Variants in ZSCAN1 observed in about 807,000 individuals in gnomAD.
ZSCAN1 encodes zinc finger and SCAN domain-containing protein 1.
Under a neutral mutation model 23.8 loss-of-function variants are expected in ZSCAN1, and 23 were observed. The observed-to-expected ratio is 0.97, with a 90% CI of 0.70 to 1.37. The LOEUF (loss-of-function observed/expected upper bound fraction) is 1.37. ZSCAN1 is among the 40% of genes most tolerant of loss of function. The pLI, the probability that ZSCAN1 is intolerant of heterozygous loss-of-function variation, is 0.00. For missense variants in ZSCAN1, 575 were observed against 554.0 expected, an observed-to-expected ratio of 1.04 and a Z score of -0.38; for synonymous variants, 236 against 232.3, an observed-to-expected ratio of 1.02 and a Z score of -0.15.
chr19:58,044,203 C>T (rs2123429766), intron 4 of ZSCAN1, among the ~76,000 whole-genome samples: 1 of 151,924 alleles, frequency 6.6e-6, no homozygotes, highest in South Asian at 2.1e-4. Flanking sequence ...ATCCAGGAGG[C>T]GGAGGCTGCA....
At position 58,049,697 on chromosome 19, in the gene ZSCAN1, G is replaced by A. The variant is rs759196276; in HGVS notation, c.466-2793G>A. Among the ~76,000 whole-genome samples the A allele has an allele frequency of 7.9e-5, 12 of 152,214 alleles. No individual in the cohort carries two copies. The highest frequency in any genetic ancestry group is 1.9e-4 in the East Asian group (1 of 5,196). On this transcript the variant is annotated intron_variant, in intron 4 of 5. Coordinates refer to ENST00000282326, the MANE Select transcript of ZSCAN1 (RefSeq NM_182572.4). This position sits in a 1 kb window ranked among gnomAD's most constrained non-coding sequence, Gnocchi z 4.5. Reference sequence around the variant, plus strand: ...CTAAGGTCCCTGAGATCCCATGGGCGTATCTCCCTGAGGCCCTGGCGGGAA... The same window carrying A: ...CTAAGGTCCCTGAGATCCCATGGGCATATCTCCCTGAGGCCCTGGCGGGAA...
In ZSCAN1 at chr19:58,038,018, C is replaced by G. The variant is rs1362867658; in HGVS notation, c.182C>G (p.Thr61Arg). The change falls in exon 3 of 6, where the codon ACG becomes AGG. Residue 61 changes from threonine (T) to arginine (R), a missense_variant. Thr to Arg is a moderately conservative substitution (Grantham distance 71). Coordinates refer to ENST00000282326, the MANE Select transcript of ZSCAN1 (RefSeq NM_182572.4). ...GPHLALGQLW[T>R]LCRQWLRPEA... ...CACCTCGCGCTGGGCCAGCTCTGGACGCTGTGCCGCCAGTGGCTGAGGCCC... is the reference window on the plus strand; with the variant it reads ...CACCTCGCGCTGGGCCAGCTCTGGAGGCTGTGCCGCCAGTGGCTGAGGCCC... The G allele has an allele frequency of 1.2e-6, 2 of 1,611,008 alleles. No homozygotes were observed. The highest frequency in any genetic ancestry group is 1.7e-6 in the Non-Finnish European group (2 of 1,179,670).
intron 1 of ZSCAN1, among the ~76,000 whole-genome samples, 154 bp from the exon 2 acceptor site, chr19:58,035,816 G>A (rs778121884): frequency 1.3e-4 from 20 of 152,276 alleles, no homozygotes; most frequent in African/African-American, 4.6e-4. Context: ...CCAGATGCAC[G>A]AGAACTGCAG....
intron 1 of ZSCAN1, among the ~76,000 whole-genome samples, chr19:58,034,531 C>G (rs1029080544): frequency 6.6e-6 from 1 of 151,990 alleles, no homozygotes; most frequent in Non-Finnish European, 1.5e-5. Flanking sequence ...TCGGCCGCGT[C>G]CAAGTTCTCC....
At chr19:58,042,028 G>A (rs757509561) in intron 4 of ZSCAN1, among the ~76,000 whole-genome samples, 9 of 152,228 alleles carry the variant, frequency 5.9e-5, no homozygotes, top group Non-Finnish European at 1.0e-4. Context: ...AAATAAGGAA[G>A]AGGAACAGGC....
downstream of ZSCAN1, among the ~76,000 whole-genome samples, chr19:58,054,913 CAGGA>C (rs2073881969): frequency 1.3e-5 from 2 of 152,064 alleles, no homozygotes; most frequent in Non-Finnish European, 2.9e-5. This position sits in a 1 kb window ranked among gnomAD's most constrained non-coding sequence, Gnocchi z 4.2. Flanking sequence ...TCTGGTCTGC[CAGGA>C]AGGATCAGAT....
At position 58,053,817 on chromosome 19, in the gene ZSCAN1, C is replaced by G; in HGVS notation, c.993C>G (p.His331Gln). The G allele has an allele frequency of 6.2e-7, 1 of 1,614,150 alleles. No individual in the cohort carries two copies. Among genetic ancestry groups the G allele is most frequent in the Non-Finnish European group, 8.5e-7 (1 of 1,180,018 alleles). ...PCPECGKVFLHNSVLTEHGKI... is the reference protein window; with the variant it reads ...PCPECGKVFLQNSVLTEHGKI... The stretch of plus-strand genomic sequence containing the variant: ...CCGAGTGTGGCAAGGTCTTCCTGCA[C>G]AACTCCGTCCTCACTGAGCATGGCA... The change falls in exon 6 of 6, where the codon CAC (histidine) becomes CAG (glutamine). Residue 331 changes from histidine (H) to glutamine (Q), a missense_variant. Coordinates refer to ENST00000282326, the MANE Select transcript of ZSCAN1 (RefSeq NM_182572.4). This position sits in a 1 kb window ranked among gnomAD's most constrained non-coding sequence, Gnocchi z 5.8.
At chr19:58,044,811 G>C (rs1030443884) in intron 4 of ZSCAN1, 19 of 734,148 alleles carry the variant, frequency 2.6e-5, no homozygotes, top group Non-Finnish European at 4.0e-5. Context: ...GTTGGACTCT[G>C]AGGCCCGAGT....
rs2123431958 is a variant in ZSCAN1 at position 58,045,290 on chromosome 19, G to A, written c.465+4746G>A. The A allele has an allele frequency of 5.1e-6, 4 of 791,408 alleles. No homozygotes were observed. The Admixed American group carries it at 6.8e-5, about 13-fold the overall frequency. The allele number at this position is 791,408 out of a possible 1,614,324, so 49.0% of individuals were successfully genotyped here. On this transcript the variant is annotated intron_variant, in intron 4 of 5. Transcript: ENST00000282326. This position sits in a 1 kb window ranked among gnomAD's most constrained non-coding sequence, Gnocchi z 4.3. ...TTGCTGTGAAACTCTTCCCCAACAT[G>A]TTGCCATCCACATCCGAGACTCAGT...
At chr19:58,043,288 G>T (rs1309779756) in intron 4 of ZSCAN1, among the ~76,000 whole-genome samples, 1 of 152,212 alleles carries the variant, frequency 6.6e-6, no homozygotes, top group Non-Finnish European at 1.5e-5. Flanking sequence ...CATCGCAGAG[G>T]GCACTCACAC....
Position 58,038,140 on chromosome 19 carries a change from G to A in ZSCAN1, c.304G>A (p.Gly102Ser). 1 of 1,609,640 alleles carries A rather than the reference G, an allele frequency of 6.2e-7. No homozygotes were observed. The highest frequency in any genetic ancestry group is 8.5e-7 in the Non-Finnish European group (1 of 1,179,334). Residue 102 changes from glycine (G) to serine (S), a missense_variant, in exon 3 of 6, where the codon GGC (glycine) becomes AGC (serine). Transcript: ENST00000282326. ...SKMRTWVQSQ[G>S]PRSCREAASL... ...GATGCGGACCTGGGTGCAGTCACAGGGCCCCCGAAGCTGCAGGGAGGCCGC... is the reference window on the plus strand; with the variant it reads ...GATGCGGACCTGGGTGCAGTCACAGAGCCCCCGAAGCTGCAGGGAGGCCGC...
intron 4 of ZSCAN1, chr19:58,044,896 C>T: frequency 1.2e-6 from 1 of 817,864 alleles, no homozygotes; most frequent in Admixed American, 1.9e-5. Context: ...TCGGTGCCTT[C>T]CTGCCCGCGG....
Position 58,054,515 on chromosome 19 carries a change from CT to C in ZSCAN1, c.*466del, listed in dbSNP as rs2073880294. On this transcript the variant is annotated 3_prime_UTR_variant, in exon 6 of 6. Coordinates refer to ENST00000282326, the MANE Select transcript of ZSCAN1 (RefSeq NM_182572.4). This position sits in a 1 kb window ranked among gnomAD's most constrained non-coding sequence, Gnocchi z 4.2. ...CTGACCCCGGCTGCCCTCCTGCCAG[CT>C]TAGCCCCCTTGGAACCTAACAGATA... is the stretch of plus-strand genomic sequence containing the variant. The C allele has an allele frequency of 2.5e-5, 4 of 159,878 alleles. No individual in the cohort carries two copies. Among genetic ancestry groups the C allele is most frequent in the African/African-American group, 7.2e-5 (3 of 41,760 alleles). The allele number at this position is 159,878 out of a possible 1,614,324, so 9.9% of individuals were successfully genotyped here.
downstream of ZSCAN1, among the ~76,000 whole-genome samples, chr19:58,056,119 C>A (rs1423937298): frequency 5.9e-5 from 9 of 152,190 alleles, no homozygotes; most frequent in Admixed American, 2.0e-4. Context: ...TGAATGCCTG[C>A]AGCTGCCTCT....
Position 58,045,920 on chromosome 19 carries a change from T to G in ZSCAN1, c.465+5376T>G, listed in dbSNP as rs2073822310. The G allele has an allele frequency of 1.1e-6, 1 of 946,228 alleles. No homozygotes were observed. Among genetic ancestry groups the G allele is most frequent in the Non-Finnish European group, 1.7e-6 (1 of 578,732 alleles). 58.6% of individuals were successfully genotyped at this position (946,228 alleles called of 1,614,324 possible). A position where few individuals can be genotyped will look rare whatever the true frequency, so the allele number is the denominator to read the frequency against. On this transcript the variant is annotated intron_variant, in intron 4 of 5. Coordinates refer to ENST00000282326, the MANE Select transcript of ZSCAN1 (RefSeq NM_182572.4). This position sits in a 1 kb window ranked among gnomAD's most constrained non-coding sequence, Gnocchi z 4.3. Reference sequence around the variant, plus strand: ...GTGGCAAAGGAAGCACAGGTGAAAGTGGCCGAGGTGGAGGGCAAGCAGGTG... The same window carrying G: ...GTGGCAAAGGAAGCACAGGTGAAAGGGGCCGAGGTGGAGGGCAAGCAGGTG...
Position 58,053,946 on chromosome 19 carries a change from C to T in ZSCAN1, c.1122C>T (p.Arg374=). 1 of 1,611,840 alleles carries T rather than the reference C, an allele frequency of 6.2e-7. No individual in the cohort carries two copies. The highest frequency in any genetic ancestry group is 8.5e-7 in the Non-Finnish European group (1 of 1,178,754). ...GAGCCCAGGGCCCAGTGGCCCCTCG[C>T]AGCCCCAAAAGACCCTTCCAGTGTA... ...RDGAQGPVAP[R]SPKRPFQCSV... is the part of the protein sequence containing the mutation. The change falls in exon 6 of 6, where the codon CGC becomes CGT. Residue 374 remains arginine, a synonymous_variant. Coordinates refer to ENST00000282326, the MANE Select transcript of ZSCAN1 (RefSeq NM_182572.4). This position sits in a 1 kb window ranked among gnomAD's most constrained non-coding sequence, Gnocchi z 5.8.
downstream of ZSCAN1, among the ~76,000 whole-genome samples, chr19:58,056,324 AC>A (rs2073889105): frequency 6.6e-6 from 1 of 152,148 alleles, no homozygotes; most frequent in Non-Finnish European, 1.5e-5. Context: ...CTGTGTCTCC[AC>A]CTGACTCCAC....
chr19:58,047,152 C>T lies in ZSCAN1; in HGVS notation c.466-5338C>T, dbSNP rs551688101. On this transcript the variant is annotated intron_variant, in intron 4 of 5. Transcript: ENST00000282326. This position sits in a 1 kb window ranked among gnomAD's most constrained non-coding sequence, Gnocchi z 4.9. The stretch of plus-strand genomic sequence containing the variant: ...TCTGCCCACACGGAGCTGGCTGCTA[C>T]GCCCACCCTCAGAGGCGTCAGGAGA... Among the ~76,000 whole-genome samples, 55 of 152,358 alleles carry T rather than the reference C, an allele frequency of 3.6e-4. No individual in the cohort carries two copies. The highest frequency in any genetic ancestry group is 6.6e-4 in the Non-Finnish European group (45 of 68,032).
Position 58,038,014 on chromosome 19 carries a change from TG to T in ZSCAN1, c.180del (p.Trp60Ter). On this transcript the variant is annotated frameshift_variant, in exon 3 of 6. Transcript: ENST00000282326. LOFTEE classifies it high-confidence loss of function. ...SGPHLALGQLWTLCRQWLRPE... is the reference protein window; with the variant it reads ...SGPHLALGQLXTLCRQWLRPE... Reference sequence around the variant, plus strand: ...GCCGCACCTCGCGCTGGGCCAGCTCTGGACGCTGTGCCGCCAGTGGCTGAGG... The same window carrying T: ...GCCGCACCTCGCGCTGGGCCAGCTCTGACGCTGTGCCGCCAGTGGCTGAGG... 5 of 1,610,896 alleles carry T rather than the reference TG, an allele frequency of 3.1e-6. No homozygotes were observed. The highest frequency in any genetic ancestry group is 4.2e-6 in the Non-Finnish European group (5 of 1,179,640).
Sources: gnomAD v4.1 joint callset for allele counts (sites outside exome capture counted in the v4.1 genomes callset) on GRCh38, gnomAD v4.1.1 for gene constraint, Gnocchi (gnomAD v3.1) non-coding constraint, MANE v1.5 for transcripts, NCBI Gene and HGNC (gene_info 2026-07-23, HGNC 2026-07-21) for gene names.